NR3C2: variants seen among roughly 807,000 people sequenced by gnomAD.
NR3C2 encodes the protein mineralocorticoid receptor.
Under a neutral mutation model 86.4 loss-of-function variants are expected in NR3C2, and 15 were observed. The ratio of observed to expected loss-of-function variants is 0.17; its 90% confidence interval spans 0.12 to 0.27. The LOEUF (loss-of-function observed/expected upper bound fraction) is 0.27. Among genes scored for constraint, NR3C2 ranks in the 10% least tolerant of loss-of-function variants. The pLI, the probability that NR3C2 is intolerant of heterozygous loss-of-function variation, is 1.00. For synonymous variants in NR3C2, 458 were observed against 450.5 expected, an observed-to-expected ratio of 1.02 and a Z score of -0.21; for missense variants, 960 against 1,195.6, an observed-to-expected ratio of 0.80 and a Z score of 2.91.
chr4:148,266,240 T>G (rs1306120812), intron 2 of NR3C2, among the ~76,000 whole-genome samples: 1 of 151,986 alleles, frequency 6.6e-6, no homozygotes, highest in Non-Finnish European at 1.5e-5. Context: ...GCCCAGCTAA[T>G]TTTTGTATTT....
intron 3 of NR3C2, among the ~76,000 whole-genome samples, chr4:148,218,410 T>C (rs1301221720): frequency 1.3e-5 from 2 of 152,214 alleles, no homozygotes; most frequent in South Asian, 2.1e-4. Flanking sequence ...CAAAAGGCTA[T>C]AGAACATAAA....
At chr4:148,187,453 T>C (rs1366767298) in intron 4 of NR3C2, among the ~76,000 whole-genome samples, 2 of 152,182 alleles carry the variant, frequency 1.3e-5, no homozygotes, top group Non-Finnish European at 2.9e-5. Context: ...TCCCTGATCA[T>C]TAGTGATGTT....
At chr4:148,309,244 C>A (rs1182284893) in intron 2 of NR3C2, among the ~76,000 whole-genome samples, 1 of 152,116 alleles carries the variant, frequency 6.6e-6, no homozygotes, top group African/African-American at 2.4e-5. Context: ...AAAAACAATA[C>A]ATGAAATAGA....
intron 3 of NR3C2, among the ~76,000 whole-genome samples, chr4:148,256,945 C>T (rs1233591417): frequency 1.3e-5 from 2 of 152,144 alleles, no homozygotes; most frequent in Non-Finnish European, 2.9e-5. Flanking sequence ...TTACAGTCTG[C>T]ATAGTCACTG....
chr4:148,156,292 CAGCAAAAGATACT>C (rs889643372), intron 4 of NR3C2, among the ~76,000 whole-genome samples: 9 of 152,162 alleles, frequency 5.9e-5, no homozygotes, highest in African/African-American at 1.9e-4. Context: ...AGCTTCTGCA[CAGCAAAAGATACT>C]ACCATCAGAG....
chr4:148,162,823 G>A (rs1010717956), intron 4 of NR3C2, among the ~76,000 whole-genome samples: 7 of 152,094 alleles, frequency 4.6e-5, no homozygotes, highest in African/African-American at 1.4e-4. Flanking sequence ...ACTCCTACTT[G>A]GGCCCTGTCA....
chr4:148,280,904 TC>T (rs1380092207), intron 2 of NR3C2, among the ~76,000 whole-genome samples: 1 of 152,202 alleles, frequency 6.6e-6, no homozygotes, highest in Non-Finnish European at 1.5e-5. Context: ...GTGTACTAAT[TC>T]CTCTTTTAGA....
intron 2 of NR3C2, among the ~76,000 whole-genome samples, chr4:148,278,934 G>T (rs887575511): frequency 6.6e-6 from 1 of 151,220 alleles, no homozygotes; most frequent in Admixed American, 6.6e-5. Context: ...AGGCTGAGAC[G>T]GGTAGATCAC....
At chr4:148,348,403 C>T (rs952684809) in intron 2 of NR3C2, among the ~76,000 whole-genome samples, 1 of 152,086 alleles carries the variant, frequency 6.6e-6, no homozygotes, top group African/African-American at 2.4e-5. Context: ...TTTATATCTC[C>T]AGCACTTAGA....
intron 7 of NR3C2, among the ~76,000 whole-genome samples, chr4:148,115,935 G>A (rs1436906605): frequency 1.3e-5 from 2 of 151,918 alleles, no homozygotes; most frequent in African/African-American, 2.4e-5. Context: ...AAAACAAAAA[G>A]AACAGTAATA....
At chr4:148,287,619 TA>T (rs1741588576) in intron 2 of NR3C2, among the ~76,000 whole-genome samples, 1 of 152,172 alleles carries the variant, frequency 6.6e-6, no homozygotes, top group South Asian at 2.1e-4. Context: ...CAAATACCAT[TA>T]AAAGAAAACT....
At chr4:148,220,192 T>C (rs900091121) in intron 3 of NR3C2, among the ~76,000 whole-genome samples, 2 of 152,004 alleles carry the variant, frequency 1.3e-5, no homozygotes, top group Non-Finnish European at 2.9e-5. Context: ...GTTCACGTGA[T>C]CCTCCCACCT....
At chr4:148,117,217 A>G (rs1222338603) in intron 7 of NR3C2, among the ~76,000 whole-genome samples, 7 of 152,220 alleles carry the variant, frequency 4.6e-5, no homozygotes, top group Non-Finnish European at 1.0e-4. Flanking sequence ...TGCCCCGGGC[A>G]ATTGAATTCA....
chr4:148,112,077 A>G lies in NR3C2; in HGVS notation c.2799+2027T>C, dbSNP rs1049898866. 3.3e-5 allele frequency among the ~76,000 whole-genome samples: 5 copies of G among 152,276 alleles called. No individual in the cohort carries two copies. The East Asian group carries it at 9.6e-4, about 29-fold the overall frequency. On this transcript the variant is annotated intron_variant, in intron 8 of 8. Transcript: ENST00000358102. ...CATTTATGATACAGCCGTTCAAAAAACTATTCATTGAGTTCCTATCTATGC... is the reference window on the plus strand; with the variant it reads ...CATTTATGATACAGCCGTTCAAAAAGCTATTCATTGAGTTCCTATCTATGC...
chr4:148,367,339 C>A (rs781651999), intron 2 of NR3C2, among the ~76,000 whole-genome samples: 5 of 152,062 alleles, frequency 3.3e-5, no homozygotes, highest in African/African-American at 7.2e-5. Context: ...ATTGCTCTAT[C>A]GGTCTATGTC....
chr4:148,202,785 T>A (rs9997923), intron 3 of NR3C2, among the ~76,000 whole-genome samples: 1 of 152,184 alleles, frequency 6.6e-6, no homozygotes, highest in African/African-American at 2.4e-5. Flanking sequence ...GGTTCCCCCC[T>A]CATCCCCCTT....
chr4:148,084,442 A>G (rs1318826171), intron 8 of NR3C2, among the ~76,000 whole-genome samples: 1 of 152,196 alleles, frequency 6.6e-6, no homozygotes, highest in Non-Finnish European at 1.5e-5. Flanking sequence ...GGAGAAATAA[A>G]ATTCTTTACA....
upstream of NR3C2, chr4:148,442,934 C>T (rs1271259667): frequency 1.0e-6 from 1 of 985,274 alleles, no homozygotes; most frequent in African/African-American, 1.7e-5. Context: ...AGTGTCGTCC[C>T]CTCACGCTCT....
At chr4:148,385,661 G>A (rs908540359) in intron 2 of NR3C2, among the ~76,000 whole-genome samples, 14 of 152,108 alleles carry the variant, frequency 9.2e-5, no homozygotes, top group African/African-American at 3.4e-4. Context: ...GAAAGAGAGA[G>A]AGAAAGACAG....
Sources: gnomAD v4.1 joint callset for allele counts (sites outside exome capture counted in the v4.1 genomes callset) on GRCh38, gnomAD v4.1.1 for gene constraint, MANE v1.5 for transcripts, NCBI Gene and HGNC (gene_info 2026-07-23, HGNC 2026-07-21) for gene names.